MAST4: variants seen among roughly 807,000 people sequenced by gnomAD.
MAST4 encodes microtubule-associated serine/threonine-protein kinase 4.
MAST4 carries 89 observed loss-of-function variants against 162.7 expected under a neutral mutation model. The observed-to-expected ratio is 0.55, with a 90% CI of 0.46 to 0.65. MAST4 has a LOEUF of 0.65. MAST4 is among the 30% of genes least tolerant of loss of function. The pLI is 0.00. For missense variants in MAST4, 3,153 were observed against 3,374.0 expected (o/e 0.93, Z 1.62); for synonymous variants, 1,479 against 1,361.1 (o/e 1.09, Z -1.91).
intron 1 of MAST4, among the ~76,000 whole-genome samples, chr5:66,759,069 C>T (rs1398878981): frequency 6.6e-6 from 1 of 152,146 alleles, no homozygotes; most frequent in African/African-American, 2.4e-5. Context: ...CTTGAAGTGA[C>T]TTTGGTTTCT....
At chr5:66,764,043 T>G (rs1274171947) in intron 2 of MAST4, among the ~76,000 whole-genome samples, 1 of 152,152 alleles carries the variant, frequency 6.6e-6, no homozygotes, top group Non-Finnish European at 1.5e-5. Flanking sequence ...GAACCCGAGT[T>G]TTTCTGTGGC....
intron 5 of MAST4, among the ~76,000 whole-genome samples, chr5:67,067,240 T>C (rs556041329): frequency 1.3e-5 from 2 of 152,326 alleles, no homozygotes; most frequent in African/African-American, 4.8e-5. Flanking sequence ...TAATAAACAC[T>C]GGACCGCAGG....
intron 3 of MAST4, among the ~76,000 whole-genome samples, chr5:66,808,963 A>T (rs949563279): frequency 6.6e-6 from 1 of 152,122 alleles, no homozygotes; most frequent in African/African-American, 2.4e-5. Flanking sequence ...TTTGTATAGC[A>T]CTTCACTGGG....
intron 3 of MAST4, among the ~76,000 whole-genome samples, chr5:66,863,106 A>G (rs1760234571): frequency 6.6e-6 from 1 of 152,220 alleles, no homozygotes; most frequent in Admixed American, 6.5e-5. Context: ...TTGAGTTGAG[A>G]CTGCAGACCT....
intron 3 of MAST4, among the ~76,000 whole-genome samples, chr5:66,849,612 TC>T (rs1238216383): frequency 1.3e-5 from 2 of 152,156 alleles, no homozygotes; most frequent in African/African-American, 4.8e-5. Flanking sequence ...CAGACCACCA[TC>T]ACCTAGCCGA....
intron 1 of MAST4, among the ~76,000 whole-genome samples, chr5:66,650,012 A>G (rs141397847): frequency 1.4e-3 from 211 of 151,658 alleles, no homozygotes; most frequent in African/African-American, 5.0e-3. Context: ...CAGTCTAACC[A>G]CTTCTTACAG....
intron 3 of MAST4, among the ~76,000 whole-genome samples, chr5:66,837,895 T>TATATATATA (rs70987141): frequency 3.8e-4 from 6 of 15,728 alleles, no homozygotes; most frequent in African/African-American, 1.3e-3. Context: ...TATATATATA[T>TATATATATA]TTTTTTTTTT....
intron 4 of MAST4, among the ~76,000 whole-genome samples, chr5:67,023,659 A>G (rs1754266918): frequency 2.0e-5 from 3 of 152,236 alleles, no homozygotes; most frequent in Non-Finnish European, 1.5e-5. Flanking sequence ...TCCTAACCCA[A>G]TGGCTGTAAC....
intron 4 of MAST4, among the ~76,000 whole-genome samples, chr5:66,911,558 A>ACCC (rs59771853): frequency 5.5e-4 from 10 of 18,086 alleles, no homozygotes; most frequent in Non-Finnish European, 6.4e-4. Flanking sequence ...AACAACAACA[A>ACCC]CCCCCCCCCC....
At chr5:67,078,816 T>TTA (rs1561621044) in intron 5 of MAST4, among the ~76,000 whole-genome samples, 8 of 104,382 alleles carry the variant, frequency 7.7e-5, no homozygotes, top group African/African-American at 2.4e-4. Context: ...ATATTTATAT[T>TTA]TTTATATTTA....
chr5:66,720,954 C>T (rs564421408), intron 1 of MAST4, among the ~76,000 whole-genome samples: 1 of 152,036 alleles, frequency 6.6e-6, no homozygotes, highest in Non-Finnish European at 1.5e-5. Context: ...ATTTCAGCAT[C>T]GCCACTCCCA....
Position 66,887,840 on chromosome 5 carries a change from A to G in MAST4, c.643-12111A>G, listed in dbSNP as rs111364665. Among the ~76,000 whole-genome samples, 1,170 of 152,326 alleles carry G rather than the reference A, an allele frequency of 7.7e-3. 22 individuals carry two copies. Among genetic ancestry groups the G allele is most frequent in the African/African-American group, 0.027 (1,107 of 41,576 alleles). On this transcript the variant is annotated intron_variant, in intron 3 of 28. Transcript: ENST00000403625. ...GGGGAGGGTGTGAAATAGGAAGCAG[A>G]GAATCTTACCTTAACCCATGGTCTT...
intron 4 of MAST4, among the ~76,000 whole-genome samples, chr5:66,908,212 T>A (rs1473966717): frequency 6.6e-6 from 1 of 152,246 alleles, no homozygotes; most frequent in Non-Finnish European, 1.5e-5. Context: ...TATTTGCAGC[T>A]TTCCTTATCA....
At chr5:66,615,651 TAAAAA>T (rs34176995) in intron 1 of MAST4, among the ~76,000 whole-genome samples, 1 of 148,812 alleles carries the variant, frequency 6.7e-6, no homozygotes, top group Admixed American at 6.7e-5. Flanking sequence ...CAGTCTCCCT[TAAAAA>T]AAAAAAATTA....
At chr5:66,995,303 T>A (rs1750506754) in intron 4 of MAST4, among the ~76,000 whole-genome samples, 1 of 152,204 alleles carries the variant, frequency 6.6e-6, no homozygotes, top group African/African-American at 2.4e-5. Flanking sequence ...TTTTCTTAAG[T>A]TTGTAAACTC....
At chr5:67,132,011 A>T in intron 16 of MAST4, 60 bp downstream of exon 16, 1 of 1,533,718 alleles carries the variant, frequency 6.5e-7, no homozygotes. Context: ...TCGTATGTTT[A>T]TAAAGATGTT....
At chr5:67,149,354 T>C (rs1266941130) in intron 23 of MAST4, 35 bp from the exon 24 acceptor site, 2 of 1,584,132 alleles carry the variant, frequency 1.3e-6, no homozygotes, top group Admixed American at 3.6e-5. Context: ...ATCCTGGATT[T>C]TCCTGAATGT....
rs116137002 is a variant in MAST4, at chr5:66,781,958, C to T, written c.518-6712C>T. Among the ~76,000 whole-genome samples the T allele has an allele frequency of 2.0e-3, 301 of 152,182 alleles. 1 individual carries two copies. Among genetic ancestry groups the T allele is most frequent in the Middle Eastern group, 0.017 (5 of 294 alleles). ...TTGCAGACTTGGTATTTTTCTACTTCAGAGGGATACTTCCAGCTTCGGGGT... is the reference window on the plus strand; with the variant it reads ...TTGCAGACTTGGTATTTTTCTACTTTAGAGGGATACTTCCAGCTTCGGGGT... On this transcript the variant is annotated intron_variant, in intron 2 of 28. Coordinates refer to ENST00000403625, the MANE Select transcript of MAST4 (RefSeq NM_001164664.2).
chr5:67,014,528 A>G (rs1753054887), intron 4 of MAST4, among the ~76,000 whole-genome samples: 1 of 152,240 alleles, frequency 6.6e-6, no homozygotes, highest in South Asian at 2.1e-4. Flanking sequence ...GAACCGTGGA[A>G]TAAAAGTTGC....
Sources: allele counts gnomAD v4.1 joint callset (sites outside exome capture counted in the v4.1 genomes callset), GRCh38; gene constraint gnomAD v4.1.1; transcripts MANE v1.5; gene names NCBI Gene and HGNC (gene_info 2026-07-23, HGNC 2026-07-21).